The following MAP3K4 variants were observed in gnomAD, a reference collection of about 807,000 sequenced individuals.
MAP3K4 encodes MAP three kinase 1.
A neutral mutation model predicts 185.6 loss-of-function variants in MAP3K4; 67 were observed. That is an observed-to-expected ratio of 0.36 (90% CI 0.30 to 0.44). The LOEUF is 0.44. Among genes scored for constraint, MAP3K4 ranks in the 20% least tolerant of loss-of-function variants. The pLI is 1.00. For missense variants in MAP3K4, 1,551 were observed against 1,995.1 expected, an observed-to-expected ratio of 0.78 and a Z score of 4.24; for synonymous variants, 702 against 710.4, an observed-to-expected ratio of 0.99 and a Z score of 0.19.
At chr6:161,006,523 G>A (rs553103763) in intron 1 of MAP3K4, among the ~76,000 whole-genome samples, 1 of 152,224 alleles carries the variant, frequency 6.6e-6, no homozygotes, top group South Asian at 2.1e-4. Context: ...TGCAGATATC[G>A]TCATTTTATA....
Position 161,049,753 on chromosome 6 carries a change from T to C in MAP3K4, c.1481T>C (p.Leu494Pro). The change falls in exon 3 of 27, where the codon CTT (leucine) becomes CCT (proline). Residue 494 changes from leucine (L) to proline (P), a missense_variant. Coordinates refer to ENST00000392142, the MANE Select transcript of MAP3K4 (RefSeq NM_005922.4). The surrounding 1 kb of genome is among the most constrained non-coding windows in gnomAD (Gnocchi z 8.4). ...TCGCGGGACTGCATATCCAAGAAGC[T>C]TGAGAGGCTCGAATCTGAGGATGAT... ...IQSRDCISKKLERLESEDDSL... is the reference protein window; with the variant it reads ...IQSRDCISKKPERLESEDDSL... The C allele has an allele frequency of 6.2e-7, 1 of 1,614,094 alleles. No individual in the cohort carries two copies. The highest frequency in any genetic ancestry group is 8.5e-7 in the Non-Finnish European group (1 of 1,179,996).
chr6:161,048,718 C>T lies in MAP3K4; in HGVS notation c.446C>T (p.Ala149Val). 6.2e-7 allele frequency: 1 copy of T among 1,613,880 alleles called. No homozygotes were observed. The highest frequency in any genetic ancestry group is 8.5e-7 in the Non-Finnish European group (1 of 1,179,962). ...SYKQEKKIRAALRTTERDRKK... is the reference protein window; with the variant it reads ...SYKQEKKIRAVLRTTERDRKK... ...AAGCAGGAGAAAAAGATCCGAGCAG[C>T]TCTTAGAACAACAGAGCGTGATCGT... The change falls in exon 3 of 27, where the codon GCT becomes GTT. Residue 149 changes from alanine to valine, a missense_variant. Physicochemically the swap from Ala to Val is moderately conservative, Grantham distance 64. This residue lies in a region of MAP3K4 where 287 missense variants were observed against 268.8 expected (regional missense o/e 1.07). Transcript: ENST00000392142. This position sits in a 1 kb window ranked among gnomAD's most constrained non-coding sequence, Gnocchi z 4.7.
In MAP3K4 at chr6:161,096,177, G is replaced by C. The variant is rs936980492; in HGVS notation, c.3428-903G>C. Among the ~76,000 whole-genome samples, 7 of 152,120 alleles carry C rather than the reference G, an allele frequency of 4.6e-5. No individual in the cohort carries two copies. Among genetic ancestry groups the C allele is most frequent in the African/African-American group, 1.4e-4 (6 of 41,430 alleles). ...TTGTAAGTTCTGTAAGGGAACTTCAGATCTCTCCATTTTTACTACTTCTGT... is the reference window on the plus strand; with the variant it reads ...TTGTAAGTTCTGTAAGGGAACTTCACATCTCTCCATTTTTACTACTTCTGT... On this transcript the variant is annotated intron_variant, in intron 15 of 26. Coordinates refer to ENST00000392142, the MANE Select transcript of MAP3K4 (RefSeq NM_005922.4). This position sits in a 1 kb window ranked among gnomAD's most constrained non-coding sequence, Gnocchi z 4.9.
rs1240997253 is a variant in MAP3K4 at position 161,070,380 on chromosome 6, T to TA, written c.1708-228_1708-227insA. Among the ~76,000 whole-genome samples, 1 of 152,224 alleles carries TA rather than the reference T, an allele frequency of 6.6e-6. No individual in the cohort carries two copies. Among genetic ancestry groups the TA allele is most frequent in the Non-Finnish European group, 1.5e-5 (1 of 68,028 alleles). Reference sequence around the variant, plus strand: ...CTTCTTTGATCAAAGTATTGCAATTTGGTTTTGGTTCTCATTATGGTTTCC... The same window carrying TA: ...CTTCTTTGATCAAAGTATTGCAATTTAGGTTTTGGTTCTCATTATGGTTTCC... On this transcript the variant is annotated intron_variant, in intron 3 of 26. Coordinates refer to ENST00000392142, the MANE Select transcript of MAP3K4 (RefSeq NM_005922.4). The surrounding 1 kb of genome is among the most constrained non-coding windows in gnomAD (Gnocchi z 4.5).
At chr6:161,044,631 T>C (rs1457244429) in intron 2 of MAP3K4, among the ~76,000 whole-genome samples, 4 of 152,242 alleles carry the variant, frequency 2.6e-5, no homozygotes, top group African/African-American at 9.6e-5. Context: ...CTCTTGGATT[T>C]ACTCTCTGTG....
In MAP3K4 at chr6:161,070,654, T is replaced by A; in HGVS notation, c.1754T>A (p.Leu585Ter). The change falls in exon 4 of 27, where the codon TTG (leucine) becomes TAG (stop). Residue 585 changes from leucine to a stop codon, truncating the protein, a stop_gained. Transcript: ENST00000392142. LOFTEE classifies it high-confidence loss of function. The surrounding 1 kb of genome is among the most constrained non-coding windows in gnomAD (Gnocchi z 4.5). ...DPMWGSDYVQLSRTPPSSEEK... is the reference protein window; with the variant it reads ...DPMWGSDYVQ ...ATGTGGGGTTCAGATTATGTGCAGTTGTCAAGGACACCACCTTCATCTGAG... is the reference window on the plus strand; with the variant it reads ...ATGTGGGGTTCAGATTATGTGCAGTAGTCAAGGACACCACCTTCATCTGAG... 1 of 1,614,102 alleles carries A rather than the reference T, an allele frequency of 6.2e-7. No individual in the cohort carries two copies. Among genetic ancestry groups the A allele is most frequent in the Non-Finnish European group, 8.5e-7 (1 of 1,180,010 alleles).
chr6:161,048,603 T>C lies in MAP3K4; in HGVS notation c.344-13T>C. 1 of 1,529,690 alleles carries C rather than the reference T, an allele frequency of 6.5e-7. No homozygotes were observed. 94.8% of individuals were successfully genotyped at this position (1,529,690 alleles called of 1,614,324 possible). ...GAGTTATATAATGTTCTGTTTATTT[T>C]TTTTTTTAATAGAAAAAATGAATGC... On this transcript the variant is annotated splice_polypyrimidine_tract_variant and intron_variant, in intron 2 of 26. Coordinates refer to ENST00000392142, the MANE Select transcript of MAP3K4 (RefSeq NM_005922.4). The surrounding 1 kb of genome is among the most constrained non-coding windows in gnomAD (Gnocchi z 4.7).
chr6:161,047,548 G>C lies in MAP3K4; in HGVS notation c.344-1068G>C, dbSNP rs117585035. Among the ~76,000 whole-genome samples the C allele has an allele frequency of 1.2e-4, 18 of 152,274 alleles. No homozygotes were observed. In the South Asian group the frequency reaches 2.7e-3, roughly 23 times the overall value. Reference sequence around the variant, plus strand: ...GATTCAATGAAATAAACTATGCCTTGAGTGTAGAGGGTAGATTGAGATGGC... The same window carrying C: ...GATTCAATGAAATAAACTATGCCTTCAGTGTAGAGGGTAGATTGAGATGGC... On this transcript the variant is annotated intron_variant, in intron 2 of 26. Transcript: ENST00000392142.
chr6:161,051,652 C>A lies in MAP3K4; in HGVS notation c.1707+1673C>A, dbSNP rs1189466319. 1.3e-5 allele frequency among the ~76,000 whole-genome samples: 2 copies of A among 152,180 alleles called. No individual in the cohort carries two copies. Among genetic ancestry groups the A allele is most frequent in the Admixed American group, 6.5e-5 (1 of 15,284 alleles). ...ACCAACATCCCTTGGTATCTCATCC[C>A]AGGGGGATTTGTTCCAGGACCCCCA... On this transcript the variant is annotated intron_variant, in intron 3 of 26. Coordinates refer to ENST00000392142, the MANE Select transcript of MAP3K4 (RefSeq NM_005922.4). This position sits in a 1 kb window ranked among gnomAD's most constrained non-coding sequence, Gnocchi z 4.2.
In MAP3K4 at chr6:161,048,508, G is replaced by A. The variant is rs1583164816; in HGVS notation, c.344-108G>A. The A allele has an allele frequency of 7.3e-6, 5 of 684,272 alleles. No homozygotes were observed. The highest frequency in any genetic ancestry group is 2.9e-5 in the East Asian group (1 of 34,986). 42.4% of individuals were successfully genotyped at this position (684,272 alleles called of 1,614,324 possible). A position where few individuals can be genotyped will look rare whatever the true frequency, so the allele number is the denominator to read the frequency against. On this transcript the variant is annotated intron_variant, in intron 2 of 26. Coordinates refer to ENST00000392142, the MANE Select transcript of MAP3K4 (RefSeq NM_005922.4). This position sits in a 1 kb window ranked among gnomAD's most constrained non-coding sequence, Gnocchi z 4.7. ...TGGTATGCTTTTTTTTCTTCCATTA[G>A]CAGTCTGAAAATATAAATATGTGTG...
chr6:161,050,721 G>T (rs1211996138), intron 3 of MAP3K4, among the ~76,000 whole-genome samples: 1 of 152,160 alleles, frequency 6.6e-6, no homozygotes, highest in African/African-American at 2.4e-5. Flanking sequence ...CATTTTGTGG[G>T]ATATCATTCT....
At chr6:161,012,909 A>G (rs1781914748) in intron 1 of MAP3K4, among the ~76,000 whole-genome samples, 1 of 152,184 alleles carries the variant, frequency 6.6e-6, no homozygotes, top group Non-Finnish European at 1.5e-5. Flanking sequence ...AAATGGTCCC[A>G]TCATATTTCA....
In MAP3K4 at chr6:161,112,694, C is replaced by T; in HGVS notation, c.4546C>T (p.Arg1516Cys). ...ATACATGGCACCTGAAGTCATCACT[C>T]GTGCCAAAGGAGAGGGCCATGGGCG... ...AAYMAPEVIT[R>C]AKGEGHGRAA... Residue 1516 changes from arginine (R) to cysteine (C), a missense_variant, in exon 25 of 27, where the codon CGT becomes TGT. By Grantham distance (180) the Arg-to-Cys change is radical (BLOSUM62 -3). Transcript: ENST00000392142. This position sits in a 1 kb window ranked among gnomAD's most constrained non-coding sequence, Gnocchi z 5.1. 1.2e-6 allele frequency: 2 copies of T among 1,600,976 alleles called. No individual in the cohort carries two copies. The highest frequency in any genetic ancestry group is 8.5e-7 in the Non-Finnish European group (1 of 1,175,100).
Position 161,084,544 on chromosome 6 carries a change from G to A in MAP3K4, c.2299G>A (p.Glu767Lys), listed in dbSNP as rs147388167. Reference protein sequence around the residue: ...MLLKSTGSFLEFGLQESCAEF... With the variant: ...MLLKSTGSFLKFGLQESCAEF... ...GCTGAAATCTACAGGAAGTTTTTTAGAATTTGGCTTACAGGAGAGCTGTGC... is the reference window on the plus strand; with the variant it reads ...GCTGAAATCTACAGGAAGTTTTTTAAAATTTGGCTTACAGGAGAGCTGTGC... Residue 767 changes from glutamate to lysine, a missense_variant, in exon 7 of 27, where the codon GAA becomes AAA. Transcript: ENST00000392142. This position sits in a 1 kb window ranked among gnomAD's most constrained non-coding sequence, Gnocchi z 4.6. 23 of 1,611,112 alleles carry A rather than the reference G, an allele frequency of 1.4e-5. No homozygotes were observed. The highest frequency in any genetic ancestry group is 1.8e-5 in the Non-Finnish European group (21 of 1,177,408).
chr6:161,042,477 C>T (rs907680771), intron 2 of MAP3K4, among the ~76,000 whole-genome samples: 2 of 152,106 alleles, frequency 1.3e-5, no homozygotes, highest in Non-Finnish European at 2.9e-5. Context: ...TGATTTCATA[C>T]TGTGGTGAGT....
rs537697959 is a variant in MAP3K4 at position 161,034,066 on chromosome 6, CA to C, written c.153-191del. On this transcript the variant is annotated intron_variant, in intron 1 of 26. Coordinates refer to ENST00000392142, the MANE Select transcript of MAP3K4 (RefSeq NM_005922.4). This position sits in a 1 kb window ranked among gnomAD's most constrained non-coding sequence, Gnocchi z 4.4. ...TTCATGGTAGGAGAAGCGGCAGTCA[CA>C]ATTATTACTCTCTTCAAGCAAAAGA... Among the ~76,000 whole-genome samples the C allele has an allele frequency of 8.3e-4, 126 of 152,282 alleles. No homozygotes were observed. The highest frequency in any genetic ancestry group is 2.9e-3 in the African/African-American group (120 of 41,570).
In MAP3K4 at chr6:161,103,359, A is replaced by G; in HGVS notation, c.3856+580A>G. Among the ~76,000 whole-genome samples the G allele has an allele frequency of 6.6e-6, 1 of 152,236 alleles. No individual in the cohort carries two copies. Among genetic ancestry groups the G allele is most frequent in the East Asian group, 1.9e-4 (1 of 5,198 alleles). On this transcript the variant is annotated intron_variant, in intron 19 of 26. Coordinates refer to ENST00000392142, the MANE Select transcript of MAP3K4 (RefSeq NM_005922.4). This position sits in a 1 kb window ranked among gnomAD's most constrained non-coding sequence, Gnocchi z 4.6. ...ACTTGTCTCAAGTCTAGCGCACTCCATGGCAGCTTCCCTTTGAACTTTGTG... is the reference window on the plus strand; with the variant it reads ...ACTTGTCTCAAGTCTAGCGCACTCCGTGGCAGCTTCCCTTTGAACTTTGTG...
intron 3 of MAP3K4, among the ~76,000 whole-genome samples, chr6:161,062,623 G>C (rs1784533292): frequency 6.6e-6 from 1 of 152,116 alleles, no homozygotes; most frequent in Non-Finnish European, 1.5e-5. Context: ...TTGTTTGGCT[G>C]TCCATAAAAT....
Position 161,112,604 on chromosome 6 carries a change from C to A in MAP3K4, c.4520-64C>A. 2.1e-6 allele frequency: 2 copies of A among 933,100 alleles called. No homozygotes were observed. Among genetic ancestry groups the A allele is most frequent in the Non-Finnish European group, 3.0e-6 (2 of 664,386 alleles). 57.8% of individuals were successfully genotyped at this position (933,100 alleles called of 1,614,324 possible). A position where few individuals can be genotyped will look rare whatever the true frequency, so the allele number is the denominator to read the frequency against. ...TGTACAATATTAATTTATTGCTTGG[C>A]TCTATTAATACATGTTGATGTGTTT... is the stretch of plus-strand genomic sequence containing the variant. On this transcript the variant is annotated intron_variant, in intron 24 of 26. Transcript: ENST00000392142. The surrounding 1 kb of genome is among the most constrained non-coding windows in gnomAD (Gnocchi z 5.1).
Sources: gnomAD v4.1 joint callset for allele counts (sites outside exome capture counted in the v4.1 genomes callset) on GRCh38, gnomAD v4.1.1 for gene constraint, gnomAD v4.1.1 regional missense constraint, Gnocchi (gnomAD v3.1) non-coding constraint, MANE v1.5 for transcripts, NCBI Gene and HGNC (gene_info 2026-07-23, HGNC 2026-07-21) for gene names.